Variants in SUGCT observed in about 807,000 individuals in gnomAD.
SUGCT encodes succinyl-CoA:glutarate CoA-transferase.
A neutral mutation model predicts 55.0 loss-of-function variants in SUGCT; 41 were observed. The observed-to-expected ratio is 0.74, with a 90% CI of 0.58 to 0.97. The LOEUF is 0.97. Ranked by LOEUF, SUGCT falls within the 50% of genes least tolerant of loss-of-function variation. The probability of loss-of-function intolerance (pLI) is 0.00; values close to 1 mark genes in which losing one functional copy is unlikely to be tolerated. For missense variants in SUGCT, 568 were observed against 547.8 expected (o/e 1.04, Z -0.37); for synonymous variants, 187 against 200.4 (o/e 0.93, Z 0.56).
At chr7:40,307,257 A>G (rs1794895545) in intron 8 of SUGCT, among the ~76,000 whole-genome samples, 1 of 152,242 alleles carries the variant, frequency 6.6e-6, no homozygotes, top group Non-Finnish European at 1.5e-5. Flanking sequence ...TATTTGCAGC[A>G]AAGCAGAAAA....
At chr7:40,455,498 A>G (rs1172534677) in intron 10 of SUGCT, among the ~76,000 whole-genome samples, 1 of 152,176 alleles carries the variant, frequency 6.6e-6, no homozygotes, top group African/African-American at 2.4e-5. Flanking sequence ...ATGGAAAAAT[A>G]TACAAACACA....
intron 8 of SUGCT, among the ~76,000 whole-genome samples, chr7:40,278,990 C>T (rs1006150583): frequency 3.0e-5 from 4 of 135,204 alleles, no homozygotes; most frequent in Non-Finnish European, 3.1e-5. Context: ...TTATGCCTGG[C>T]TAATTTTTGT....
the SUGCT span, among the ~76,000 whole-genome samples, chr7:40,870,722 C>A: frequency 5.9e-5 from 9 of 152,046 alleles, no homozygotes; most frequent in South Asian, 2.1e-4. Context: ...TTCTATTTTT[C>A]CTGTTTTTAG....
At chr7:40,958,388 C>G in the SUGCT span, among the ~76,000 whole-genome samples, 1 of 151,826 alleles carries the variant, frequency 6.6e-6, no homozygotes, top group African/African-American at 2.4e-5. Flanking sequence ...CTAATCTTGT[C>G]TTCACGCTTT....
intron 10 of SUGCT, among the ~76,000 whole-genome samples, chr7:40,454,933 C>A (rs535194348): frequency 1.3e-5 from 2 of 152,166 alleles, no homozygotes; most frequent in Middle Eastern, 3.4e-3. Flanking sequence ...GGAAAAGTAA[C>A]GTAAATAGTA....
chr7:40,494,950 G>T (rs1791889105), intron 11 of SUGCT, among the ~76,000 whole-genome samples: 1 of 151,640 alleles, frequency 6.6e-6, no homozygotes, highest in South Asian at 2.1e-4. Flanking sequence ...TGCTCTTGTT[G>T]TCCAGGCCTG....
chr7:40,166,343 T>G (rs1376995687), intron 1 of SUGCT, among the ~76,000 whole-genome samples: 1 of 152,138 alleles, frequency 6.6e-6, no homozygotes, highest in African/African-American at 2.4e-5. Context: ...AGTCTGACTT[T>G]TAATGATTTA....
At chr7:40,593,071 A>G (rs1467960814) in intron 12 of SUGCT, among the ~76,000 whole-genome samples, 1 of 152,194 alleles carries the variant, frequency 6.6e-6, no homozygotes, top group Non-Finnish European at 1.5e-5. Flanking sequence ...CTGGTAGGAC[A>G]CAAAGGGGAA....
At chr7:40,517,540 G>A (rs769123975) in intron 12 of SUGCT, among the ~76,000 whole-genome samples, 1 of 152,062 alleles carries the variant, frequency 6.6e-6, no homozygotes, top group Non-Finnish European at 1.5e-5. Flanking sequence ...GAGTTGTTGA[G>A]TGTTTTTATC....
At chr7:40,504,280 C>T (rs544334871) in intron 12 of SUGCT, among the ~76,000 whole-genome samples, 1 of 152,032 alleles carries the variant, frequency 6.6e-6, no homozygotes, top group Non-Finnish European at 1.5e-5. Flanking sequence ...CAAGGTTTTG[C>T]TCTGTTTCCC....
intron 12 of SUGCT, among the ~76,000 whole-genome samples, chr7:40,532,062 A>C (rs971892079): frequency 6.6e-6 from 1 of 152,252 alleles, no homozygotes; most frequent in Non-Finnish European, 1.5e-5. Context: ...CCATTTGTTC[A>C]GAAGCCTGGG....
intron 6 of SUGCT, among the ~76,000 whole-genome samples, chr7:40,222,216 G>T (rs1216406700): frequency 6.6e-6 from 1 of 152,256 alleles, no homozygotes; most frequent in Non-Finnish European, 1.5e-5. Context: ...GATATCCCCA[G>T]TGATGGAGTG....
chr7:40,804,523 A>G (rs530972915), intron 13 of SUGCT, among the ~76,000 whole-genome samples: 2 of 151,892 alleles, frequency 1.3e-5, no homozygotes, highest in East Asian at 1.9e-4. Flanking sequence ...GAGGTCATCT[A>G]CCTTTGTCTT....
chr7:40,140,778 A>G (rs979738536), intron 1 of SUGCT, among the ~76,000 whole-genome samples: 1 of 152,210 alleles, frequency 6.6e-6, no homozygotes, highest in African/African-American at 2.4e-5. Context: ...TTGAAGTCAG[A>G]AAATGTGATA....
At chr7:40,401,591 C>T (rs952002681) in intron 9 of SUGCT, among the ~76,000 whole-genome samples, 13 of 152,200 alleles carry the variant, frequency 8.5e-5, no homozygotes, top group African/African-American at 3.1e-4. Flanking sequence ...GAGGTTTGCC[C>T]TTCCAACTTT....
rs572356663 is a variant in SUGCT at position 40,284,436 on chromosome 7, C to T, written c.720+9780C>T. Among the ~76,000 whole-genome samples the T allele has an allele frequency of 5.9e-5, 9 of 151,780 alleles. No homozygotes were observed. In the East Asian group the frequency reaches 7.8e-4, roughly 13 times the overall value. ...CAGCCTGGCCAACCTAGTGAAACCCCGTCTCTACTAAAAATACAAAAATTA... is the reference window on the plus strand; with the variant it reads ...CAGCCTGGCCAACCTAGTGAAACCCTGTCTCTACTAAAAATACAAAAATTA... On this transcript the variant is annotated intron_variant, in intron 8 of 13. Coordinates refer to ENST00000335693, the MANE Select transcript of SUGCT (RefSeq NM_001193313.2).
At chr7:40,701,488 T>G (rs2128662404) in intron 12 of SUGCT, among the ~76,000 whole-genome samples, 1 of 152,294 alleles carries the variant, frequency 6.6e-6, no homozygotes, top group South Asian at 2.1e-4. Context: ...CAGAGGTAGC[T>G]GCTAGGTGTC....
chr7:40,421,269 T>C (rs1037418858), intron 9 of SUGCT, among the ~76,000 whole-genome samples: 3 of 152,140 alleles, frequency 2.0e-5, no homozygotes, highest in Admixed American at 1.3e-4. Context: ...TTTCCACTTT[T>C]ACTCATCTAG....
At chr7:40,324,548 G>A (rs893358025) in intron 9 of SUGCT, among the ~76,000 whole-genome samples, 2 of 151,968 alleles carry the variant, frequency 1.3e-5, no homozygotes, top group Non-Finnish European at 2.9e-5. Context: ...GAGCCACCAC[G>A]CCCAGCCAGA....
Sources: gnomAD v4.1 joint callset for allele counts (sites outside exome capture counted in the v4.1 genomes callset) on GRCh38, gnomAD v4.1.1 for gene constraint, MANE v1.5 for transcripts, NCBI Gene and HGNC (gene_info 2026-07-23, HGNC 2026-07-21) for gene names.